FAIM2: variants seen among roughly 807,000 people sequenced by gnomAD.
FAIM2 encodes Fas apoptotic inhibitory molecule 2.
In FAIM2, 27 loss-of-function variants were observed where a neutral mutation model predicts 47.4. That is an observed-to-expected ratio of 0.57 (90% confidence interval 0.42 to 0.78). The LOEUF is 0.78. Ranked by LOEUF, FAIM2 falls within the 30% of genes least tolerant of loss-of-function variation. The pLI is 0.00. For missense variants in FAIM2, 311 were observed against 389.4 expected, an observed-to-expected ratio of 0.80 and a Z score of 1.69; for synonymous variants, 156 against 159.3, an observed-to-expected ratio of 0.98 and a Z score of 0.16.
chr12:49,903,713 T>C, intron 1 of FAIM2, 65 bp downstream of exon 1: 1 of 1,547,174 alleles, frequency 6.5e-7, no homozygotes, highest in South Asian at 1.2e-5. Context: ...GAGGGCTTGC[T>C]GAGGATGACA....
intron 8 of FAIM2, 114 bp downstream of exon 8, chr12:49,890,003 C>T: frequency 9.4e-7 from 1 of 1,060,722 alleles, no homozygotes; most frequent in Non-Finnish European, 1.4e-6. Flanking sequence ...TGCCTGAGCC[C>T]CCGGGCCCAT....
intron 5 of FAIM2, among the ~76,000 whole-genome samples, chr12:49,896,286 T>C (rs895916150): frequency 2.0e-5 from 3 of 152,126 alleles, no homozygotes; most frequent in African/African-American, 7.2e-5. Flanking sequence ...ACTCCTTAAT[T>C]ACCCAGAAAG....
chr12:49,882,447 C>T (rs1193708717), intron 11 of FAIM2, among the ~76,000 whole-genome samples: 1 of 152,170 alleles, frequency 6.6e-6, no homozygotes, highest in Non-Finnish European at 1.5e-5. Context: ...GGGAATGAGT[C>T]CCAAAGCCCC....
chr12:49,897,658 C>T (rs1946947844), intron 3 of FAIM2, 75 bp from the exon 4 acceptor site: 6 of 1,091,798 alleles, frequency 5.5e-6, no homozygotes, highest in Non-Finnish European at 8.3e-6. Flanking sequence ...GACTCAGTCA[C>T]CTCTCCAGGT....
chr12:49,887,487 G>A, intron 10 of FAIM2, 48 bp from the exon 11 acceptor site: 1 of 1,526,452 alleles, frequency 6.6e-7, no homozygotes, highest in South Asian at 1.2e-5. Context: ...AGGGGCAGCA[G>A]TCAGAGGGGC....
chr12:49,893,996 A>G (rs1179938009), intron 5 of FAIM2, among the ~76,000 whole-genome samples: 2 of 152,194 alleles, frequency 1.3e-5, no homozygotes, highest in African/African-American at 4.8e-5. Flanking sequence ...TCAACTTTCA[A>G]GACAAGGGGT....
At chr12:49,882,807 T>A (rs1469023864) in intron 11 of FAIM2, among the ~76,000 whole-genome samples, 1 of 152,124 alleles carries the variant, frequency 6.6e-6, no homozygotes, top group Non-Finnish European at 1.5e-5. Flanking sequence ...ACCTACTATG[T>A]ACCAGGCCCT....
chr12:49,900,291 A>G, intron 2 of FAIM2: 1 of 1,128,490 alleles, frequency 8.9e-7, no homozygotes, highest in Non-Finnish European at 1.2e-6. Flanking sequence ...TGTCTCTGAG[A>G]TCTCTTCTAG....
intron 5 of FAIM2, among the ~76,000 whole-genome samples, chr12:49,893,366 G>GT (rs1333097753): frequency 2.0e-5 from 3 of 152,148 alleles, no homozygotes; most frequent in African/African-American, 7.2e-5. Context: ...CTGAGGCCTG[G>GT]GTTAGAGGGG....
intron 1 of FAIM2, among the ~76,000 whole-genome samples, chr12:49,903,091 C>T (rs1946992203): frequency 6.6e-6 from 1 of 152,168 alleles, no homozygotes; most frequent in African/African-American, 2.4e-5. Flanking sequence ...TGTATAATTC[C>T]ACAGGCTATT....
intron 11 of FAIM2, among the ~76,000 whole-genome samples, chr12:49,886,642 T>A (rs1265222933): frequency 1.3e-5 from 2 of 151,518 alleles, no homozygotes; most frequent in Non-Finnish European, 2.9e-5. Context: ...ACCCGGCTAA[T>A]TTTTTTTGTA....
intron 7 of FAIM2, 135 bp from the exon 8 acceptor site, chr12:49,890,289 G>T: frequency 1.3e-6 from 1 of 765,852 alleles, no homozygotes; most frequent in Non-Finnish European, 2.2e-6. Context: ...CACACACACT[G>T]ACTTTCGGGA....
rs1454193 is a variant in FAIM2 at position 49,867,986 on chromosome 12, C to T, written c.*2518G>A. ...AGCCATTTCTCAAATGGCTGTGATG[C>T]GTGTGTGACACTGTTTATTGCCGAG... On this transcript the variant is annotated 3_prime_UTR_variant, in exon 12 of 12. Coordinates refer to ENST00000320634, the MANE Select transcript of FAIM2 (RefSeq NM_012306.4). The T allele has an allele frequency of 0.2, 31,024 of 153,664 alleles. 3,599 individuals carry two copies. The highest frequency in any genetic ancestry group is 0.36 in the East Asian group (1,927 of 5,340). 9.5% of individuals were successfully genotyped at this position (153,664 alleles called of 1,614,324 possible).
rs774348098 is a variant in FAIM2 at position 49,901,182 on chromosome 12, G to A, written c.159C>T (p.Pro53=). 2 of 1,608,308 alleles carry A rather than the reference G, an allele frequency of 1.2e-6. No homozygotes were observed. Among genetic ancestry groups the A allele is most frequent in the East Asian group, 2.3e-5 (1 of 44,082 alleles). ...SGEGMKAGAF[P]PAPTAVPLHP... ...GGAGAGGCACCGCTGTGGGGGCTGG[G>A]GGGAAGGCCCCTGCCTTCATCCCCT... The change falls in exon 2 of 12, where the codon CCC becomes CCT. Residue 53 remains proline, a synonymous_variant. Coordinates refer to ENST00000320634, the MANE Select transcript of FAIM2 (RefSeq NM_012306.4).
At position 49,880,726 on chromosome 12, in the gene FAIM2, G is replaced by GTGCA. The variant is rs1555158665; in HGVS notation, c.801+6659_801+6660insTGCA. Among the ~76,000 whole-genome samples, 563 of 150,912 alleles carry GTGCA rather than the reference G, an allele frequency of 3.7e-3. 3 individuals are homozygous for GTGCA. The highest frequency in any genetic ancestry group is 0.013 in the African/African-American group (528 of 40,878). On this transcript the variant is annotated intron_variant, in intron 11 of 11. Transcript: ENST00000320634. Reference sequence around the variant, plus strand: ...TCCATGTGTGTACATGCGTGTATATGTGTGTGTGTATGTGTGCATGTGTGT... The same window carrying GTGCA: ...TCCATGTGTGTACATGCGTGTATATGTGCATGTGTGTGTATGTGTGCATGTGTGT...
At chr12:49,875,780 G>A (rs863226) in intron 11 of FAIM2, among the ~76,000 whole-genome samples, 17,473 of 152,194 alleles carry the variant, frequency 0.11, 1,021 homozygotes, top group East Asian at 0.14. Context: ...TTCGAGACCA[G>A]CCTGGCCAAC....
Position 49,870,540 on chromosome 12 carries a change from G to A in FAIM2, c.915C>T (p.Thr305=). The A allele has an allele frequency of 6.2e-7, 1 of 1,614,014 alleles. No individual in the cohort carries two copies. The highest frequency in any genetic ancestry group is 8.5e-7 in the Non-Finnish European group (1 of 1,179,934). ...TAGTGCCAAAAAGCTGCAGGAAGAA[G>A]GTGAAGATATAGATGATGTCTAGGT... ...NIYLDIIYIF[T]FFLQLFGTNR... Residue 305 remains threonine, a synonymous_variant, in exon 12 of 12, where the codon ACC becomes ACT. Coordinates refer to ENST00000320634, the MANE Select transcript of FAIM2 (RefSeq NM_012306.4).
rs1334455485 is a variant in FAIM2, at chr12:49,870,541, G to A, written c.914C>T (p.Thr305Ile). The A allele has an allele frequency of 1.9e-6, 3 of 1,614,046 alleles. No individual in the cohort carries two copies. The highest frequency in any genetic ancestry group is 2.5e-6 in the Non-Finnish European group (3 of 1,179,946). ...NIYLDIIYIF[T>I]FFLQLFGTNR... ...AGTGCCAAAAAGCTGCAGGAAGAAGGTGAAGATATAGATGATGTCTAGGTA... is the reference window on the plus strand; with the variant it reads ...AGTGCCAAAAAGCTGCAGGAAGAAGATGAAGATATAGATGATGTCTAGGTA... Residue 305 changes from threonine to isoleucine, a missense_variant, in exon 12 of 12, where the codon ACC (threonine) becomes ATC (isoleucine). Coordinates refer to ENST00000320634, the MANE Select transcript of FAIM2 (RefSeq NM_012306.4).
In FAIM2 at chr12:49,878,965, C is replaced by T. The variant is rs961784480; in HGVS notation, c.802-8312G>A. On this transcript the variant is annotated intron_variant, in intron 11 of 11. Transcript: ENST00000320634. ...GTGTGTATGTTCATGTGTATATGTG[C>T]GTATGTGTATATGTATGCATATGAG... 1.2e-4 allele frequency among the ~76,000 whole-genome samples: 14 copies of T among 119,332 alleles called. 3 individuals carry two copies. The highest frequency in any genetic ancestry group is 9.3e-4 in the South Asian group (3 of 3,230). The allele number at this position is 119,332 out of a possible 152,430, so 78.3% of individuals were successfully genotyped here.
Sources: gnomAD v4.1 joint callset for allele counts (sites outside exome capture counted in the v4.1 genomes callset) on GRCh38, gnomAD v4.1.1 for gene constraint, MANE v1.5 for transcripts, NCBI Gene and HGNC (gene_info 2026-07-23, HGNC 2026-07-21) for gene names.